Variants in BMP5 observed in about 807,000 individuals in gnomAD.
BMP5 encodes bone morphogenetic protein 5.
In BMP5, 23 loss-of-function variants were observed where a neutral mutation model predicts 46.6. The observed-to-expected ratio is 0.49, with a 90% CI of 0.35 to 0.70. The LOEUF is 0.70. Ranked by LOEUF, BMP5 falls within the 30% of genes least tolerant of loss-of-function variation. BMP5 has a pLI of 0.00. For synonymous variants in BMP5, 204 were observed against 191.9 expected (o/e 1.06, Z -0.52); for missense variants, 545 against 565.6 (o/e 0.96, Z 0.37).
At chr6:55,797,614 CTTTTTTTTT>C (rs60366569) in intron 2 of BMP5, among the ~76,000 whole-genome samples, 9 of 110,598 alleles carry the variant, frequency 8.1e-5, no homozygotes, top group Non-Finnish European at 1.4e-4. Context: ...ATTTTCTTTT[CTTTTTTTTT>C]TTTTTTTTTT....
intron 3 of BMP5, among the ~76,000 whole-genome samples, chr6:55,778,653 C>T (rs2127523084): frequency 6.6e-6 from 1 of 151,844 alleles, no homozygotes; most frequent in East Asian, 1.9e-4. Context: ...ATTATTGTAC[C>T]AGAATCATAA....
At chr6:55,795,267 C>T (rs1328963338) in intron 2 of BMP5, among the ~76,000 whole-genome samples, 1 of 152,094 alleles carries the variant, frequency 6.6e-6, no homozygotes, top group African/African-American at 2.4e-5. Context: ...ATCTTTACAA[C>T]AGCTCCTTAG....
chr6:55,857,347 G>T (rs776977652), intron 1 of BMP5, among the ~76,000 whole-genome samples: 19 of 152,294 alleles, frequency 1.2e-4, no homozygotes, highest in Non-Finnish European at 2.5e-4. Flanking sequence ...GCTAAGAAAG[G>T]TTGATAAGAT....
intron 2 of BMP5, among the ~76,000 whole-genome samples, chr6:55,795,727 G>T (rs16887180): frequency 0.01 from 1,549 of 152,056 alleles, 24 homozygotes; most frequent in African/African-American, 0.035. Flanking sequence ...AATATGATAA[G>T]GAAATAATCT....
intron 1 of BMP5, among the ~76,000 whole-genome samples, chr6:55,820,569 C>T (rs1375788335): frequency 6.6e-6 from 1 of 151,980 alleles, no homozygotes; most frequent in Admixed American, 6.6e-5. Flanking sequence ...AGGCATGCAC[C>T]ACCACACCCA....
At chr6:55,859,987 G>A (rs1777491671) in intron 1 of BMP5, among the ~76,000 whole-genome samples, 1 of 152,194 alleles carries the variant, frequency 6.6e-6, no homozygotes, top group East Asian at 1.9e-4. Flanking sequence ...CCTCTGAAAA[G>A]GACAGAGAAA....
intron 2 of BMP5, 140 bp from the exon 3 acceptor site, chr6:55,794,567 G>C (rs1562041306): frequency 6.2e-6 from 5 of 804,176 alleles, no homozygotes; most frequent in Admixed American, 2.1e-5. Context: ...AGTGACTCAA[G>C]TGATGAGTAA....
rs71815473 is a variant in BMP5 at position 55,836,619 on chromosome 6, CACAT to C, written c.491-16776_491-16773del. On this transcript the variant is annotated intron_variant, in intron 1 of 6. Transcript: ENST00000370830. ...CTCACCCCACCAACACACACACAAA[CACAT>C]ACATACATACACACACACACACACA... Among the ~76,000 whole-genome samples, 650 of 142,292 alleles carry C rather than the reference CACAT, an allele frequency of 4.6e-3. 4 individuals carry two copies. Among genetic ancestry groups the C allele is most frequent in the South Asian group, 0.017 (78 of 4,480 alleles). The allele number at this position is 142,292 out of a possible 152,430, so 93.3% of individuals were successfully genotyped here.
intron 1 of BMP5, among the ~76,000 whole-genome samples, chr6:55,872,175 G>C (rs1777803441): frequency 6.6e-6 from 1 of 151,722 alleles, no homozygotes; most frequent in African/African-American, 2.4e-5. Flanking sequence ...TTGAAGGCAT[G>C]ATCAAAGGAT....
intron 4 of BMP5, among the ~76,000 whole-genome samples, 177 bp from the exon 5 acceptor site, chr6:55,760,710 GT>G (rs1774753334): frequency 6.6e-6 from 1 of 151,946 alleles, no homozygotes; most frequent in South Asian, 2.1e-4. Flanking sequence ...CAAGTTACTT[GT>G]CCTGAGTTTC....
At chr6:55,858,221 T>G (rs1009966284) in intron 1 of BMP5, among the ~76,000 whole-genome samples, 1 of 152,248 alleles carries the variant, frequency 6.6e-6, no homozygotes, top group Non-Finnish European at 1.5e-5. Flanking sequence ...TTGAATATTA[T>G]AAACACCTCA....
At chr6:55,762,607 C>T (rs924107694) in intron 4 of BMP5, among the ~76,000 whole-genome samples, 6 of 152,194 alleles carry the variant, frequency 3.9e-5, no homozygotes, top group African/African-American at 7.2e-5. Flanking sequence ...TAACTTTGTT[C>T]AGGCAATGGA....
At position 55,759,182 on chromosome 6, in the gene BMP5, AAC is replaced by A. The variant is rs1562023518; in HGVS notation, c.1105-69_1105-68del. 3.3e-5 allele frequency: 25 copies of A among 747,160 alleles called. 3 individuals are homozygous for A. The highest frequency in any genetic ancestry group is 6.8e-5 in the East Asian group (2 of 29,210). The allele number at this position is 747,160 out of a possible 1,614,324, so 46.3% of individuals were successfully genotyped here. A position where few individuals can be genotyped will look rare whatever the true frequency, so the allele number is the denominator to read the frequency against. On this transcript the variant is annotated intron_variant, in intron 5 of 6. Coordinates refer to ENST00000370830, the MANE Select transcript of BMP5 (RefSeq NM_021073.4). Reference sequence around the variant, plus strand: ...AAAAAAAAAAAAAAAAAAAAAAAAAAACAACAAGAAAAAATATCACCAAAGTA... The same window carrying A: ...AAAAAAAAAAAAAAAAAAAAAAAAAAAACAAGAAAAAATATCACCAAAGTA...
chr6:55,860,805 G>T (rs1035657524), intron 1 of BMP5, among the ~76,000 whole-genome samples: 1 of 152,154 alleles, frequency 6.6e-6, no homozygotes, highest in Admixed American at 6.6e-5. Context: ...GGATAGCCGG[G>T]TCTGAACTGT....
At chr6:55,780,192 T>C (rs1422896448) in intron 3 of BMP5, among the ~76,000 whole-genome samples, 1 of 144,790 alleles carries the variant, frequency 6.9e-6, no homozygotes, top group African/African-American at 2.6e-5. Context: ...CAAACAAGCA[T>C]AGGATTCTGT....
chr6:55,842,291 T>G (rs1047231471), intron 1 of BMP5, among the ~76,000 whole-genome samples: 1 of 152,152 alleles, frequency 6.6e-6, no homozygotes, highest in African/African-American at 2.4e-5. Context: ...ATGTGGCCTT[T>G]CTGGGACCCT....
chr6:55,758,938 C>T, intron 6 of BMP5, 67 bp downstream of exon 6: 1 of 1,104,652 alleles, frequency 9.1e-7, no homozygotes, highest in Non-Finnish European at 1.4e-6. Flanking sequence ...AGATGCTTTC[C>T]TCTAAAACAA....
rs1041672491 is a variant in BMP5, at chr6:55,759,072, T to A, written c.1148A>T (p.Asp383Val). ...GTTAAGTGGAAAAGAACATTCTCCA[T>A]CACAATAAAATGCAGCGTATCCTTC... Reference protein sequence around the residue: ...APEGYAAFYCDGECSFPLNAH... With the variant: ...APEGYAAFYCVGECSFPLNAH... Residue 383 changes from aspartate to valine, a missense_variant, in exon 6 of 7, where the codon GAT becomes GTT. Transcript: ENST00000370830. The A allele has an allele frequency of 1.3e-6, 2 of 1,489,760 alleles. No individual in the cohort carries two copies. The highest frequency in any genetic ancestry group is 1.8e-6 in the Non-Finnish European group (2 of 1,110,224). The allele number at this position is 1,489,760 out of a possible 1,614,324, so 92.3% of individuals were successfully genotyped here. A position where few individuals can be genotyped will look rare whatever the true frequency, so the allele number is the denominator to read the frequency against.
chr6:55,770,395 C>T (rs1775021521), intron 4 of BMP5, among the ~76,000 whole-genome samples: 1 of 151,928 alleles, frequency 6.6e-6, no homozygotes. Flanking sequence ...TCTGCAGCTT[C>T]CTCAGCTCTC....
Sources: gnomAD v4.1 joint callset for allele counts (sites outside exome capture counted in the v4.1 genomes callset) on GRCh38, gnomAD v4.1.1 for gene constraint, MANE v1.5 for transcripts, NCBI Gene and HGNC (gene_info 2026-07-23, HGNC 2026-07-21) for gene names.